Variants in PCDHGA8 observed in about 807,000 individuals in gnomAD.
PCDHGA8 encodes protocadherin gamma subfamily A, 8, also known as protocadherin gamma-A8.
Under a neutral mutation model 59.2 loss-of-function variants are expected in PCDHGA8, and 45 were observed. The ratio of observed to expected loss-of-function variants is 0.76; its 90% confidence interval spans 0.60 to 0.98. The LOEUF is 0.98. Among genes scored for constraint, PCDHGA8 ranks in the 50% least tolerant of loss-of-function variants. PCDHGA8 has a pLI of 0.00. For synonymous variants in PCDHGA8, 531 were observed against 519.0 expected (o/e 1.02, Z -0.32); for missense variants, 1,257 against 1,196.2 (o/e 1.05, Z -0.75).
intron 3 of PCDHGA8, among the ~76,000 whole-genome samples, chr5:141,510,657 G>A (rs1388054630): frequency 6.6e-6 from 1 of 152,156 alleles, no homozygotes; most frequent in Non-Finnish European, 1.5e-5. Context: ...CCATTTTGCA[G>A]ATGAGAAAAC....
At chr5:141,437,986 C>T (rs2097921856) in intron 1 of PCDHGA8, among the ~76,000 whole-genome samples, 1 of 152,096 alleles carries the variant, frequency 6.6e-6, no homozygotes, top group African/African-American at 2.4e-5. Context: ...TGCACCCACC[C>T]CACCTCAGCC....
rs777924092 is a variant in PCDHGA8 at position 141,487,482 on chromosome 5, A to T, written c.2425-7325A>T. The T allele has an allele frequency of 1.2e-6, 2 of 1,614,164 alleles. No individual in the cohort carries two copies. Among genetic ancestry groups the T allele is most frequent in the South Asian group, 2.2e-5 (2 of 91,086 alleles). ...TTTGTTGATGTGGGAGGCCACTCTCATGGCTGTACACCCTTGGCTTCTGCA... is the reference window on the plus strand; with the variant it reads ...TTTGTTGATGTGGGAGGCCACTCTCTTGGCTGTACACCCTTGGCTTCTGCA... On this transcript the variant is annotated intron_variant, in intron 1 of 3. Coordinates refer to ENST00000398604, the MANE Select transcript of PCDHGA8 (RefSeq NM_032088.2). The surrounding 1 kb of genome is among the most constrained non-coding windows in gnomAD (Gnocchi z 5.0).
chr5:141,408,903 A>C, intron 1 of PCDHGA8: 1 of 1,613,512 alleles, frequency 6.2e-7, no homozygotes, highest in Non-Finnish European at 8.5e-7. Context: ...TCTGTCAAGG[A>C]TACCAATGAT....
At chr5:141,482,442 C>A (rs942933015) in intron 1 of PCDHGA8, among the ~76,000 whole-genome samples, 23 of 147,678 alleles carry the variant, frequency 1.6e-4, no homozygotes, top group African/African-American at 5.6e-4. Context: ...CTGATATTCA[C>A]CATTTATTAG....
At chr5:141,507,831 T>C (rs2099864030) in intron 3 of PCDHGA8, among the ~76,000 whole-genome samples, 1 of 152,134 alleles carries the variant, frequency 6.6e-6, no homozygotes, top group African/African-American at 2.4e-5. Context: ...GTGGAGGTGG[T>C]GGGTCAGGCC....
chr5:141,501,237 A>G (rs1327502244), intron 2 of PCDHGA8, among the ~76,000 whole-genome samples: 1 of 150,372 alleles, frequency 6.7e-6, no homozygotes, highest in Non-Finnish European at 1.5e-5. Flanking sequence ...CAGTTTTTTG[A>G]GCATGATGTA....
At chr5:141,454,620 G>T (rs1028840158) in intron 1 of PCDHGA8, among the ~76,000 whole-genome samples, 1 of 151,520 alleles carries the variant, frequency 6.6e-6, no homozygotes, top group East Asian at 1.9e-4. Flanking sequence ...TGGTCAGGCT[G>T]GTCTCGAACC....
At position 141,476,716 on chromosome 5, in the gene PCDHGA8, C is replaced by G; in HGVS notation, c.2425-18091C>G. The G allele has an allele frequency of 6.2e-7, 1 of 1,614,148 alleles. No individual in the cohort carries two copies. On this transcript the variant is annotated intron_variant, in intron 1 of 3. Transcript: ENST00000398604. The surrounding 1 kb of genome is among the most constrained non-coding windows in gnomAD (Gnocchi z 7.6). The stretch of plus-strand genomic sequence containing the variant: ...AGTACGCGGAGCTGGTGTTGGAGCG[C>G]GCCCTGGACCGAGAACGGGAGCCTA...
chr5:141,449,936 T>C (rs1016569958), intron 1 of PCDHGA8, among the ~76,000 whole-genome samples: 4 of 151,978 alleles, frequency 2.6e-5, no homozygotes, highest in African/African-American at 9.6e-5. Context: ...CCTTATAGTA[T>C]ATTTTACTAT....
intron 3 of PCDHGA8, 125 bp downstream of exon 3, chr5:141,505,606 C>G: frequency 6.5e-7 from 1 of 1,528,642 alleles, no homozygotes; most frequent in Non-Finnish European, 8.8e-7. Flanking sequence ...TTCGGCAGGT[C>G]TGAAAGGACC....
intron 1 of PCDHGA8, chr5:141,427,536 G>T (rs758610182): frequency 1.6e-6 from 1 of 626,396 alleles, no homozygotes; most frequent in Non-Finnish European, 3.0e-6. Context: ...GGAGTACAAC[G>T]TCACCATCAC....
Position 141,485,365 on chromosome 5 carries a change from G to A in PCDHGA8, c.2425-9442G>A. 1 of 1,614,120 alleles carries A rather than the reference G, an allele frequency of 6.2e-7. No homozygotes were observed. Among genetic ancestry groups the A allele is most frequent in the Admixed American group, 1.7e-5 (1 of 60,018 alleles). ...CGGACAGTCTGTCAGCTCGCAGGCT[G>A]CAGGTCGCTGGAGAGGTGAACCAAA... On this transcript the variant is annotated intron_variant, in intron 1 of 3. Transcript: ENST00000398604. The surrounding 1 kb of genome is among the most constrained non-coding windows in gnomAD (Gnocchi z 5.7).
rs960048710 is a variant in PCDHGA8 at position 141,393,496 on chromosome 5, T to C, written c.683T>C (p.Ile228Thr). ...CCGCCTCGCTCTAGCACAGTGCGCA[T>C]CCACGTGACAGTGTTGGATACAAAT... The part of the protein sequence containing the change: ...GKPPRSSTVR[I>T]HVTVLDTNDN... The change falls in exon 1 of 4, where the codon ATC becomes ACC. Residue 228 changes from isoleucine to threonine, a missense_variant. Coordinates refer to ENST00000398604, the MANE Select transcript of PCDHGA8 (RefSeq NM_032088.2). The C allele has an allele frequency of 1.9e-6, 3 of 1,613,940 alleles. No homozygotes were observed. Among genetic ancestry groups the C allele is most frequent in the Non-Finnish European group, 8.5e-7 (1 of 1,179,922 alleles).
chr5:141,463,965 C>T (rs1207852177), intron 1 of PCDHGA8, among the ~76,000 whole-genome samples: 1 of 151,648 alleles, frequency 6.6e-6, no homozygotes, highest in African/African-American at 2.4e-5. Context: ...AAAATAGCTT[C>T]ATAAAACTCC....
chr5:141,477,951 G>T lies in PCDHGA8; in HGVS notation c.2425-16856G>T. 3 of 1,614,120 alleles carry T rather than the reference G, an allele frequency of 1.9e-6. No homozygotes were observed. The highest frequency in any genetic ancestry group is 2.5e-6 in the Non-Finnish European group (3 of 1,180,024). Reference sequence around the variant, plus strand: ...GCCTGGCTCTCCTACAGTCTCTTGGGATCCCCTAACCAGAGCCTTTTTGCC... The same window carrying T: ...GCCTGGCTCTCCTACAGTCTCTTGGTATCCCCTAACCAGAGCCTTTTTGCC... On this transcript the variant is annotated intron_variant, in intron 1 of 3. Transcript: ENST00000398604. The surrounding 1 kb of genome is among the most constrained non-coding windows in gnomAD (Gnocchi z 4.9).
At chr5:141,433,605 G>C (rs1411907056) in intron 1 of PCDHGA8, among the ~76,000 whole-genome samples, 1 of 152,114 alleles carries the variant, frequency 6.6e-6, no homozygotes. Context: ...GGAGGCCGAG[G>C]CGGGTGGATC....
intron 1 of PCDHGA8, among the ~76,000 whole-genome samples, chr5:141,474,464 T>C (rs373468290): frequency 6.6e-6 from 1 of 152,252 alleles, no homozygotes; most frequent in African/African-American, 2.4e-5. Context: ...CTATACTCTT[T>C]ATTCTAAATT....
chr5:141,461,027 C>G (rs993151622), intron 1 of PCDHGA8, among the ~76,000 whole-genome samples: 2 of 150,168 alleles, frequency 1.3e-5, no homozygotes, highest in Non-Finnish European at 3.0e-5. Flanking sequence ...TTTTCTTTAT[C>G]CACTCATTAG....
chr5:141,402,977 C>T, intron 1 of PCDHGA8: 2 of 1,608,138 alleles, frequency 1.2e-6, no homozygotes, highest in Non-Finnish European at 8.5e-7. Flanking sequence ...CAAATGCCAG[C>T]TCCGCGGAAG....
Sources: allele counts gnomAD v4.1 joint callset (sites outside exome capture counted in the v4.1 genomes callset), GRCh38; gene constraint gnomAD v4.1.1; non-coding constraint Gnocchi (gnomAD v3.1); transcripts MANE v1.5; gene names NCBI Gene and HGNC (gene_info 2026-07-23, HGNC 2026-07-21).